Variants in ERBB4 observed in about 807,000 individuals in gnomAD.
The protein encoded by ERBB4 is erb-b2 receptor tyrosine kinase 4.
Under a neutral mutation model 158.0 loss-of-function variants are expected in ERBB4, and 42 were observed. The observed-to-expected ratio is 0.27, with a 90% CI of 0.21 to 0.34. The LOEUF is 0.34. Among genes scored for constraint, ERBB4 ranks in the 10% least tolerant of loss-of-function variants. ERBB4 has a pLI of 1.00. For missense variants in ERBB4, 1,333 were observed against 1,624.1 expected (o/e 0.82, Z 3.08); for synonymous variants, 583 against 558.7 (o/e 1.04, Z -0.61).
intron 20 of ERBB4, among the ~76,000 whole-genome samples, chr2:211,433,530 A>G (rs1049923018): frequency 1.3e-5 from 2 of 151,852 alleles, no homozygotes; most frequent in African/African-American, 4.8e-5. Context: ...GCAGTGAGCC[A>G]AGATGGCGCC....
chr2:212,053,723 G>A (rs1279882396), intron 2 of ERBB4, among the ~76,000 whole-genome samples: 8 of 152,072 alleles, frequency 5.3e-5, no homozygotes, highest in South Asian at 2.1e-4. Context: ...TGTTAGCTCC[G>A]TGGACTCCCC....
At chr2:211,665,614 A>G (rs1333105322) in intron 14 of ERBB4, 137 bp from the exon 15 acceptor site, 3 of 804,242 alleles carry the variant, frequency 3.7e-6, no homozygotes, top group African/African-American at 3.4e-5. Context: ...CATTTTCAGC[A>G]GTGCAAATGT....
At chr2:212,009,851 A>T (rs2076342598) in intron 2 of ERBB4, among the ~76,000 whole-genome samples, 1 of 151,848 alleles carries the variant, frequency 6.6e-6, no homozygotes, top group South Asian at 2.1e-4. Flanking sequence ...GTATCCTCCC[A>T]CCTGTCTGTA....
chr2:212,214,940 G>A (rs1176274772), intron 1 of ERBB4, among the ~76,000 whole-genome samples: 2 of 151,384 alleles, frequency 1.3e-5, no homozygotes, highest in Non-Finnish European at 3.0e-5. Context: ...TTAAAATACT[G>A]GTACTTAATC....
intron 25 of ERBB4, among the ~76,000 whole-genome samples, chr2:211,399,068 C>A (rs954570908): frequency 6.6e-6 from 1 of 152,208 alleles, no homozygotes; most frequent in Non-Finnish European, 1.5e-5. Context: ...CCTCAATGCT[C>A]TTTCTGGCTT....
intron 20 of ERBB4, among the ~76,000 whole-genome samples, chr2:211,476,698 G>C (rs746520567): frequency 6.6e-6 from 1 of 151,936 alleles, no homozygotes; most frequent in Non-Finnish European, 1.5e-5. Context: ...TAATGGAAGC[G>C]ATTTGTTAAA....
chr2:211,782,813 T>A (rs573745287), intron 4 of ERBB4, among the ~76,000 whole-genome samples: 1 of 152,212 alleles, frequency 6.6e-6, no homozygotes, highest in South Asian at 2.1e-4. Context: ...GCATGATGCC[T>A]ACAGCTTTGT....
chr2:211,674,766 A>G (rs1175209617), intron 13 of ERBB4, among the ~76,000 whole-genome samples: 1 of 152,178 alleles, frequency 6.6e-6, no homozygotes, highest in Non-Finnish European at 1.5e-5. Context: ...TAACAAAATT[A>G]TGACAATTAT....
intron 3 of ERBB4, among the ~76,000 whole-genome samples, chr2:211,923,577 T>C (rs2079931709): frequency 6.6e-6 from 1 of 152,094 alleles, no homozygotes; most frequent in East Asian, 1.9e-4. Context: ...GCTGCCTTGC[T>C]GAGTGCAGAA....
At chr2:212,260,081 A>AGAAAAG (rs1553606477) in intron 1 of ERBB4, among the ~76,000 whole-genome samples, 33 of 148,864 alleles carry the variant, frequency 2.2e-4, no homozygotes, top group Middle Eastern at 3.4e-3. Context: ...AAAAAAAAAA[A>AGAAAAG]AAAAGAAAAG....
rs139996833 is a variant in ERBB4, at chr2:211,751,907, G to A, written c.557-1203C>T. Among the ~76,000 whole-genome samples, 299 of 152,252 alleles carry A rather than the reference G, an allele frequency of 2.0e-3. 1 individual carries two copies. Among genetic ancestry groups the A allele is most frequent in the African/African-American group, 6.6e-3 (273 of 41,554 alleles). Reference sequence around the variant, plus strand: ...AGAAAGTAAACTGTACTATTTCCAAGTTAATAAAATACTTAGGTTCAATTC... The same window carrying A: ...AGAAAGTAAACTGTACTATTTCCAAATTAATAAAATACTTAGGTTCAATTC... On this transcript the variant is annotated intron_variant, in intron 4 of 27. Coordinates refer to ENST00000342788, the MANE Select transcript of ERBB4 (RefSeq NM_005235.3).
At chr2:211,786,108 G>A (rs772220902) in intron 4 of ERBB4, among the ~76,000 whole-genome samples, 30 of 151,968 alleles carry the variant, frequency 2.0e-4, no homozygotes, top group Non-Finnish European at 3.1e-4. Context: ...AGGATGACTC[G>A]GTGATTAACT....
chr2:211,973,469 G>A (rs1320467007), intron 2 of ERBB4, among the ~76,000 whole-genome samples: 1 of 152,124 alleles, frequency 6.6e-6, no homozygotes, highest in African/African-American at 2.4e-5. Flanking sequence ...CCAAAGTGCT[G>A]GGATTAAAGG....
At chr2:211,989,995 T>C (rs1342934619) in intron 2 of ERBB4, among the ~76,000 whole-genome samples, 1 of 151,376 alleles carries the variant, frequency 6.6e-6, no homozygotes, top group Non-Finnish European at 1.5e-5. Context: ...AACAGTAATA[T>C]CCACAAGCAA....
At chr2:211,629,118 G>C (rs559967506) in intron 17 of ERBB4, among the ~76,000 whole-genome samples, 1 of 151,972 alleles carries the variant, frequency 6.6e-6, no homozygotes, top group African/African-American at 2.4e-5. Context: ...CCTGTTTTTA[G>C]ATGACATGAC....
chr2:211,552,231 G>A (rs1574732428), intron 20 of ERBB4, among the ~76,000 whole-genome samples: 1 of 151,964 alleles, frequency 6.6e-6, no homozygotes, highest in East Asian at 1.9e-4. Flanking sequence ...AAAAAAAATT[G>A]AGAAAGTCTA....
intron 20 of ERBB4, among the ~76,000 whole-genome samples, chr2:211,549,063 A>T (rs985419549): frequency 2.6e-5 from 4 of 152,054 alleles, no homozygotes; most frequent in Non-Finnish European, 5.9e-5. Flanking sequence ...TTGTGTAGAA[A>T]CAGCAGCAAA....
At chr2:211,568,120 T>C (rs2067606145) in intron 19 of ERBB4, among the ~76,000 whole-genome samples, 1 of 151,546 alleles carries the variant, frequency 6.6e-6, no homozygotes, top group African/African-American at 2.4e-5. Context: ...CTGTCTTTTT[T>C]TTCCTTTTTG....
At chr2:212,317,142 T>C (rs1279795797) in intron 1 of ERBB4, among the ~76,000 whole-genome samples, 1 of 151,528 alleles carries the variant, frequency 6.6e-6, no homozygotes, top group Non-Finnish European at 1.5e-5. Context: ...TTCAGCCATC[T>C]CTTTACTTTT....
Sources: gnomAD v4.1 joint callset for allele counts (sites outside exome capture counted in the v4.1 genomes callset) on GRCh38, gnomAD v4.1.1 for gene constraint, MANE v1.5 for transcripts, NCBI Gene and HGNC (gene_info 2026-07-23, HGNC 2026-07-21) for gene names.